The following TTC28 variants were observed in gnomAD, a reference collection of about 807,000 sequenced individuals.
The protein encoded by TTC28 is tetratricopeptide repeat domain 28.
In TTC28, 61 loss-of-function variants were observed where a neutral mutation model predicts 198.0. That is an observed-to-expected ratio of 0.31 (90% CI 0.25 to 0.38). TTC28 has a LOEUF of 0.38. TTC28 is among the 10% of genes least tolerant of loss of function. The pLI is 1.00. For synonymous variants in TTC28, 1,171 were observed against 1,297.8 expected (o/e 0.90, Z 2.10); for missense variants, 2,678 against 3,164.0 (o/e 0.85, Z 3.69).
intron 5 of TTC28, among the ~76,000 whole-genome samples, chr22:28,263,317 A>C (rs751829734): frequency 6.6e-6 from 1 of 152,180 alleles, no homozygotes; most frequent in Non-Finnish European, 1.5e-5. Flanking sequence ...AGGTTTAGAG[A>C]GATTGAGCAA....
rs533496671 is a variant in TTC28 at position 28,603,029 on chromosome 22, C to T, written c.381+26523G>A. 2.9e-3 allele frequency among the ~76,000 whole-genome samples: 436 copies of T among 152,114 alleles called. 2 individuals are homozygous for T. The highest frequency in any genetic ancestry group is 9.7e-3 in the African/African-American group (404 of 41,484). On this transcript the variant is annotated intron_variant, in intron 2 of 22. Coordinates refer to ENST00000397906, the MANE Select transcript of TTC28 (RefSeq NM_001145418.2). ...TGAAGTAGCTGGGATTACAGGCGTG[C>T]ACCACCACTCCAAGCTAATTTTTGT...
intron 6 of TTC28, among the ~76,000 whole-genome samples, chr22:28,154,612 T>C (rs8141981): frequency 0.063 from 9,560 of 152,112 alleles, 392 homozygotes; most frequent in African/African-American, 0.1. Flanking sequence ...TGCCTCGGCC[T>C]CCCAAAGTGC....
intron 6 of TTC28, among the ~76,000 whole-genome samples, chr22:28,122,658 A>T (rs1177942644): frequency 6.6e-6 from 1 of 152,172 alleles, no homozygotes; most frequent in Non-Finnish European, 1.5e-5. Flanking sequence ...ATATAATAAG[A>T]CCAGGTTCTT....
intron 5 of TTC28, among the ~76,000 whole-genome samples, chr22:28,207,729 T>C (rs1366487750): frequency 1.3e-5 from 2 of 152,166 alleles, no homozygotes; most frequent in Non-Finnish European, 2.9e-5. Context: ...GGGAATGGTC[T>C]CTATTTTCTC....
In TTC28 at chr22:27,980,685, T is replaced by C. The variant is rs1430642106; in HGVS notation, c.*1536A>G. The C allele has an allele frequency of 6.6e-6, 1 of 151,066 alleles. No individual in the cohort carries two copies. Among genetic ancestry groups the C allele is most frequent in the African/African-American group, 2.5e-5 (1 of 40,782 alleles). The allele number at this position is 151,066 out of a possible 1,614,324, so 9.4% of individuals were successfully genotyped here. ...CTTCATGAGGAACCCTGTAGTGAGGTGGGTAGGATTTTAATTTTAGAATTA... is the reference window on the plus strand; with the variant it reads ...CTTCATGAGGAACCCTGTAGTGAGGCGGGTAGGATTTTAATTTTAGAATTA... On this transcript the variant is annotated 3_prime_UTR_variant, in exon 23 of 23. Coordinates refer to ENST00000397906, the MANE Select transcript of TTC28 (RefSeq NM_001145418.2).
Position 27,998,874 on chromosome 22 carries a change from G to A in TTC28, c.4785C>T (p.Ile1595=). Residue 1595 remains isoleucine, a synonymous_variant, in exon 16 of 23, where the codon ATC becomes ATT. Transcript: ENST00000397906. ...GCTCCTGCAGGGGCGGGCAGTCCGA[G>A]ATGCTCTCCCCATCACTGGCATCGT... ...VQDDASDGES[I]SDCPPLQELL... The A allele has an allele frequency of 1.9e-6, 3 of 1,550,212 alleles. No individual in the cohort carries two copies. The highest frequency in any genetic ancestry group is 2.6e-6 in the Non-Finnish European group (3 of 1,146,968).
chr22:28,221,033 T>A (rs1031200810), intron 5 of TTC28, among the ~76,000 whole-genome samples: 2 of 152,132 alleles, frequency 1.3e-5, no homozygotes, highest in African/African-American at 2.4e-5. Context: ...TTTGGTAGGT[T>A]GTATACAACT....
chr22:28,285,854 T>C (rs959265135), intron 5 of TTC28, among the ~76,000 whole-genome samples: 1 of 152,124 alleles, frequency 6.6e-6, no homozygotes, highest in African/African-American at 2.4e-5. Flanking sequence ...ACCATGTTTG[T>C]AATGGCAAGA....
At chr22:28,206,886 G>A (rs1926449789) in intron 5 of TTC28, among the ~76,000 whole-genome samples, 1 of 152,130 alleles carries the variant, frequency 6.6e-6, no homozygotes, top group South Asian at 2.1e-4. Context: ...TACAGATAAT[G>A]GGGAGAAGTC....
chr22:28,618,450 G>A (rs777514093), intron 2 of TTC28, among the ~76,000 whole-genome samples: 11 of 152,156 alleles, frequency 7.2e-5, no homozygotes, highest in African/African-American at 2.7e-4. Flanking sequence ...GGGAGGCTGA[G>A]GCAGGTGGAT....
At chr22:28,608,796 T>C (rs991010822) in intron 2 of TTC28, among the ~76,000 whole-genome samples, 1 of 152,194 alleles carries the variant, frequency 6.6e-6, no homozygotes, top group African/African-American at 2.4e-5. Context: ...AAGGAATCTC[T>C]ATCAAGCTGA....
chr22:27,997,028 C>G (rs1018088473), intron 16 of TTC28, among the ~76,000 whole-genome samples: 1 of 152,242 alleles, frequency 6.6e-6, no homozygotes, highest in African/African-American at 2.4e-5. Context: ...CAGGTCCCCA[C>G]AAGCCCTGCA....
At chr22:28,320,140 G>C (rs927991569) in intron 2 of TTC28, among the ~76,000 whole-genome samples, 2 of 152,102 alleles carry the variant, frequency 1.3e-5, no homozygotes, top group African/African-American at 4.8e-5. Context: ...ACCAGGACCA[G>C]GCTACATGCA....
intron 12 of TTC28, among the ~76,000 whole-genome samples, chr22:28,092,002 G>A (rs928300904): frequency 6.6e-6 from 1 of 152,182 alleles, no homozygotes; most frequent in Non-Finnish European, 1.5e-5. Flanking sequence ...ACCCCAGGCA[G>A]TATGCACAAA....
In TTC28 at chr22:28,150,323, C is replaced by T. The variant is rs117963967; in HGVS notation, c.1441+12769G>A. Among the ~76,000 whole-genome samples the T allele has an allele frequency of 1.6e-3, 247 of 152,294 alleles. 7 individuals carry two copies. The East Asian group carries it at 0.042, about 26-fold the overall frequency. On this transcript the variant is annotated intron_variant, in intron 6 of 22. Transcript: ENST00000397906. ...TGGTGGCTTAGAAACTTGGAATCTT[C>T]ATCTCTAAATATTATCTTCAAATAG...
At chr22:28,472,132 G>T (rs904874536) in intron 2 of TTC28, among the ~76,000 whole-genome samples, 1 of 152,004 alleles carries the variant, frequency 6.6e-6, no homozygotes, top group South Asian at 2.1e-4. Context: ...ACACAAAAGA[G>T]CATCTATTTG....
chr22:28,397,591 C>G (rs2046837729), intron 2 of TTC28, among the ~76,000 whole-genome samples: 2 of 152,174 alleles, frequency 1.3e-5, no homozygotes, highest in Non-Finnish European at 1.5e-5. Flanking sequence ...CATCAAGACT[C>G]TGTGATACTC....
At chr22:28,006,121 T>C (rs1438068773) in intron 14 of TTC28, among the ~76,000 whole-genome samples, 1 of 152,060 alleles carries the variant, frequency 6.6e-6, no homozygotes, top group African/African-American at 2.4e-5. Flanking sequence ...GGAGTCTGGG[T>C]CAGCCTGCCA....
intron 2 of TTC28, among the ~76,000 whole-genome samples, chr22:28,506,399 C>T (rs1377654328): frequency 6.7e-6 from 1 of 150,284 alleles, no homozygotes; most frequent in Non-Finnish European, 1.5e-5. Context: ...ACAGACAGTA[C>T]TCTGATCTCT....
Sources: gnomAD v4.1 joint callset for allele counts (sites outside exome capture counted in the v4.1 genomes callset) on GRCh38, gnomAD v4.1.1 for gene constraint, MANE v1.5 for transcripts, NCBI Gene and HGNC (gene_info 2026-07-23, HGNC 2026-07-21) for gene names.